The following CD109 variants were observed in gnomAD, a reference collection of about 807,000 sequenced individuals.
The protein encoded by CD109 is CD109 molecule.
Under a neutral mutation model 165.8 loss-of-function variants are expected in CD109, and 149 were observed. The ratio of observed to expected loss-of-function variants is 0.90; its 90% CI spans 0.79 to 1.03. The LOEUF is 1.03. Among genes scored for constraint, CD109 ranks in the 50% least tolerant of loss-of-function variants. The pLI is 0.00. For missense variants in CD109, 1,712 were observed against 1,677.8 expected (o/e 1.02, Z -0.36); for synonymous variants, 585 against 592.1 (o/e 0.99, Z 0.18).
chr6:73,794,578 G>A (rs145900209), intron 23 of CD109, among the ~76,000 whole-genome samples: 2 of 152,292 alleles, frequency 1.3e-5, no homozygotes, highest in African/African-American at 4.8e-5. Flanking sequence ...GGGATAGGAT[G>A]GCACAGACAA....
intron 24 of CD109, among the ~76,000 whole-genome samples, chr6:73,804,705 G>A (rs1775503125): frequency 6.6e-6 from 1 of 152,254 alleles, no homozygotes; most frequent in Non-Finnish European, 1.5e-5. Context: ...AAGTACTACA[G>A]TTTGCTTGTG....
At chr6:73,684,603 A>G in the CD109 span, among the ~76,000 whole-genome samples, 1 of 151,894 alleles carries the variant, frequency 6.6e-6, no homozygotes, top group African/African-American at 2.4e-5. Context: ...TTCCCTGATG[A>G]TTAGTGGTAT....
intron 30 of CD109, among the ~76,000 whole-genome samples, chr6:73,816,457 C>G (rs1156392362): frequency 6.6e-6 from 1 of 152,096 alleles, no homozygotes; most frequent in Non-Finnish European, 1.5e-5. Flanking sequence ...TTATTATTAT[C>G]CCTGCTTTTC....
At chr6:73,808,386 G>A (rs1775645176) in intron 26 of CD109, 138 bp downstream of exon 26, 2 of 809,300 alleles carry the variant, frequency 2.5e-6, no homozygotes, top group Non-Finnish European at 3.8e-6. Context: ...AGATCAGGAT[G>A]GGCCTGACAT....
chr6:73,810,149 G>T lies in CD109; in HGVS notation c.3521G>T (p.Ser1174Ile). 1.2e-6 allele frequency: 2 copies of T among 1,601,424 alleles called. No individual in the cohort carries two copies. Among genetic ancestry groups the T allele is most frequent in the Middle Eastern group, 1.7e-4 (1 of 6,030 alleles). Residue 1174 changes from serine (S) to isoleucine (I), a missense_variant, in exon 27 of 33, where the codon AGC becomes ATC. Transcript: ENST00000287097. Reference protein sequence around the residue: ...IMRWLSRQRNSLGGFASTQDT... With the variant: ...IMRWLSRQRNILGGFASTQDT... ...AGGTGGCTAAGCAGGCAAAGAAATAGCTTGGGTGGTTTTGCATCTACTCAG... is the reference window on the plus strand; with the variant it reads ...AGGTGGCTAAGCAGGCAAAGAAATATCTTGGGTGGTTTTGCATCTACTCAG...
At chr6:73,801,847 C>T (rs1582182672) in intron 23 of CD109, among the ~76,000 whole-genome samples, 1 of 152,312 alleles carries the variant, frequency 6.6e-6, no homozygotes, top group South Asian at 2.1e-4. Context: ...TGCTGCAAAG[C>T]TCAGGCTGTG....
At chr6:73,683,196 GT>G in the CD109 span, among the ~76,000 whole-genome samples, 1 of 152,180 alleles carries the variant, frequency 6.6e-6, no homozygotes, top group Non-Finnish European at 1.5e-5. Flanking sequence ...TCTATGCTCT[GT>G]ATCGCTTTTG....
intron 2 of CD109, among the ~76,000 whole-genome samples, chr6:73,708,691 C>G (rs1279787925): frequency 6.6e-6 from 1 of 152,218 alleles, no homozygotes; most frequent in Non-Finnish European, 1.5e-5. Flanking sequence ...GATCGCCATT[C>G]TAACTGGTGT....
In CD109 at chr6:73,697,476, C is replaced by T. The variant is rs1770892569; in HGVS notation, c.151C>T (p.His51Tyr). ...NVTIGVELLEHCPSQVTVKAE... is the reference protein window; with the variant it reads ...NVTIGVELLEYCPSQVTVKAE... ...GACTATTGGGGTGGAGCTTCTGGAA[C>T]ACTGCCCTTCACAGGTGACTGTGAA... Residue 51 changes from histidine (H) to tyrosine (Y), a missense_variant, in exon 2 of 33, where the codon CAC becomes TAC. Physicochemically the swap from His to Tyr is moderately conservative, Grantham distance 83 (BLOSUM62 2). Transcript: ENST00000287097. The T allele has an allele frequency of 6.2e-7, 1 of 1,614,002 alleles. No homozygotes were observed. The highest frequency in any genetic ancestry group is 8.5e-7 in the Non-Finnish European group (1 of 1,179,994).
rs778857886 is a variant in CD109 at position 73,810,101 on chromosome 6, C to T, written c.3473C>T (p.Thr1158Ile). The change falls in exon 27 of 33, where the codon ACT (threonine) becomes ATT (isoleucine). Residue 1158 changes from threonine (T) to isoleucine (I), a missense_variant. Coordinates refer to ENST00000287097, the MANE Select transcript of CD109 (RefSeq NM_133493.5). ...ALLSHFLQFQTSEGIPIMRWL... is the reference protein window; with the variant it reads ...ALLSHFLQFQISEGIPIMRWL... ...CTCTCACACTTCTTACAATTTCAGA[C>T]TTCTGAGGGAATCCCAATTATGAGG... The T allele has an allele frequency of 5.6e-6, 9 of 1,609,742 alleles. No homozygotes were observed. Among genetic ancestry groups the T allele is most frequent in the Middle Eastern group, 1.7e-4 (1 of 6,046 alleles).
At chr6:73,681,701 C>G in the CD109 span, among the ~76,000 whole-genome samples, 1 of 151,896 alleles carries the variant, frequency 6.6e-6, no homozygotes, top group Non-Finnish European at 1.5e-5. Context: ...CTTCTGGGTT[C>G]AAGTGATTCT....
intron 15 of CD109, among the ~76,000 whole-genome samples, chr6:73,774,485 G>A (rs1219927881): frequency 6.6e-6 from 1 of 152,186 alleles, no homozygotes; most frequent in African/African-American, 2.4e-5. Flanking sequence ...CCAGCCCTGA[G>A]GGTTTGGAGG....
intron 30 of CD109, among the ~76,000 whole-genome samples, chr6:73,815,349 T>C (rs1775902058): frequency 6.6e-6 from 1 of 152,316 alleles, no homozygotes; most frequent in Non-Finnish European, 1.5e-5. Flanking sequence ...ATAACACATT[T>C]GAATAGAACA....
chr6:73,753,182 T>C (rs1773259133), intron 5 of CD109, among the ~76,000 whole-genome samples: 1 of 152,220 alleles, frequency 6.6e-6, no homozygotes, highest in Non-Finnish European at 1.5e-5. Context: ...TGCAACAGCA[T>C]TGTTAAGTAG....
intron 23 of CD109, among the ~76,000 whole-genome samples, chr6:73,794,112 C>G (rs1775068682): frequency 6.6e-6 from 1 of 152,100 alleles, no homozygotes; most frequent in Non-Finnish European, 1.5e-5. Context: ...TATGTAATGA[C>G]AGTAATAACA....
chr6:73,739,765 G>A (rs1166184063), intron 5 of CD109, among the ~76,000 whole-genome samples: 2 of 152,068 alleles, frequency 1.3e-5, no homozygotes, highest in Admixed American at 1.3e-4. Flanking sequence ...GGAGAATGGC[G>A]TGAACCTGGG....
chr6:73,681,173 T>G, the CD109 span, among the ~76,000 whole-genome samples: 1 of 152,128 alleles, frequency 6.6e-6, no homozygotes, highest in Non-Finnish European at 1.5e-5. Flanking sequence ...TCTCTCTCTT[T>G]TTTACCCCAG....
intron 30 of CD109, 124 bp downstream of exon 30, chr6:73,815,247 A>G: frequency 1.5e-6 from 1 of 663,236 alleles, no homozygotes; most frequent in Non-Finnish European, 2.3e-6. Flanking sequence ...GTTATGCACT[A>G]CACTTCAGAT....
Position 73,697,449 on chromosome 6 carries a change from G to A in CD109, c.124G>A (p.Val42Met). 3 of 1,614,178 alleles carry A rather than the reference G, an allele frequency of 1.9e-6. No individual in the cohort carries two copies. The highest frequency in any genetic ancestry group is 2.5e-6 in the Non-Finnish European group (3 of 1,180,030). Residue 42 changes from valine to methionine, a missense_variant, in exon 2 of 33, where the codon GTG becomes ATG. Val to Met is a conservative substitution (Grantham distance 21, BLOSUM62 1). Coordinates refer to ENST00000287097, the MANE Select transcript of CD109 (RefSeq NM_133493.5). ...AGGGATCATCAGGCCCGGAGGAAAT[G>A]TGACTATTGGGGTGGAGCTTCTGGA... ...APGIIRPGGN[V>M]TIGVELLEHC...
Sources: gnomAD v4.1 joint callset for allele counts (sites outside exome capture counted in the v4.1 genomes callset) on GRCh38, gnomAD v4.1.1 for gene constraint, MANE v1.5 for transcripts, NCBI Gene and HGNC (gene_info 2026-07-23, HGNC 2026-07-21) for gene names.